RABGAP1L: variants seen among roughly 807,000 people sequenced by gnomAD.
The protein encoded by RABGAP1L is rab GTPase-activating protein 1-like.
Under a neutral mutation model 137.7 loss-of-function variants are expected in RABGAP1L, and 63 were observed. That is an observed-to-expected ratio of 0.46 (90% confidence interval 0.37 to 0.56). The LOEUF (loss-of-function observed/expected upper bound fraction) is 0.56. Among genes scored for constraint, RABGAP1L ranks in the 20% least tolerant of loss-of-function variants. The pLI is 0.00. For synonymous variants in RABGAP1L, 431 were observed against 433.7 expected (o/e 0.99, Z 0.08); for missense variants, 1,095 against 1,244.0 (o/e 0.88, Z 1.80).
chr1:174,189,915 A>G (rs1323862506), intron 1 of RABGAP1L, among the ~76,000 whole-genome samples: 3 of 152,156 alleles, frequency 2.0e-5, no homozygotes. Flanking sequence ...AAAAGAAAAA[A>G]GGAAGAGAGA....
chr1:174,498,719 C>T (rs970952226), intron 13 of RABGAP1L, among the ~76,000 whole-genome samples: 5 of 150,764 alleles, frequency 3.3e-5, no homozygotes. Context: ...CCCTATTGGC[C>T]AGGCTGGTCT....
chr1:174,760,533 C>T (rs79763699), intron 18 of RABGAP1L, among the ~76,000 whole-genome samples: 11,935 of 152,258 alleles, frequency 0.078, 648 homozygotes, highest in East Asian at 0.31. Context: ...GCATAGTATT[C>T]TATAGTGTTT....
At chr1:174,735,612 C>CAAAAA (rs59281177) in intron 17 of RABGAP1L, among the ~76,000 whole-genome samples, 85 of 46,134 alleles carry the variant, frequency 1.8e-3, no homozygotes, top group Admixed American at 2.9e-3. Flanking sequence ...AACTCCATCT[C>CAAAAA]AAAAAAAAAA....
At chr1:174,513,714 T>G (rs1662557333) in intron 13 of RABGAP1L, among the ~76,000 whole-genome samples, 1 of 152,214 alleles carries the variant, frequency 6.6e-6, no homozygotes, top group African/African-American at 2.4e-5. Flanking sequence ...ACTGACATGT[T>G]TTGATTAATG....
chr1:174,704,579 A>C (rs1366217846), intron 17 of RABGAP1L, among the ~76,000 whole-genome samples: 1 of 152,342 alleles, frequency 6.6e-6, no homozygotes, highest in Non-Finnish European at 1.5e-5. Flanking sequence ...CCAGGCTTGC[A>C]GAATAGGTTT....
At chr1:174,942,592 C>G (rs773407857) in intron 19 of RABGAP1L, among the ~76,000 whole-genome samples, 19 of 152,164 alleles carry the variant, frequency 1.2e-4, no homozygotes, top group Non-Finnish European at 2.5e-4. Context: ...TGTTCTTCTT[C>G]TGTAAAATGA....
intron 13 of RABGAP1L, among the ~76,000 whole-genome samples, chr1:174,619,852 A>T (rs1221919015): frequency 6.6e-6 from 1 of 152,236 alleles, no homozygotes; most frequent in Non-Finnish European, 1.5e-5. Flanking sequence ...GGCAAATTGG[A>T]TAAAGAGTCA....
intron 13 of RABGAP1L, among the ~76,000 whole-genome samples, chr1:174,429,898 G>A (rs1209378883): frequency 1.3e-5 from 2 of 152,044 alleles, no homozygotes; most frequent in Non-Finnish European, 2.9e-5. Context: ...ATAAATACTG[G>A]GGAAATGTGT....
intron 13 of RABGAP1L, among the ~76,000 whole-genome samples, chr1:174,573,601 T>A (rs774205490): frequency 1.1e-4 from 16 of 152,190 alleles, no homozygotes; most frequent in Non-Finnish European, 2.2e-4. Flanking sequence ...AGAGATTTGA[T>A]CTATTACTAT....
intron 13 of RABGAP1L, among the ~76,000 whole-genome samples, chr1:174,615,892 A>G (rs1557904335): frequency 2.0e-5 from 3 of 152,106 alleles, no homozygotes; most frequent in Admixed American, 6.5e-5. Context: ...CAGGTGCAGG[A>G]TATAATCTCC....
chr1:174,771,271 T>C (rs1481019972), intron 18 of RABGAP1L, among the ~76,000 whole-genome samples: 2 of 152,202 alleles, frequency 1.3e-5, no homozygotes, highest in Non-Finnish European at 2.9e-5. Flanking sequence ...TCCTAACTTA[T>C]AAAATAAAGA....
chr1:174,307,805 C>G (rs919821364), intron 11 of RABGAP1L, among the ~76,000 whole-genome samples: 3 of 152,092 alleles, frequency 2.0e-5, no homozygotes, highest in Admixed American at 2.0e-4. Flanking sequence ...CTTTGACATA[C>G]TGGTTCATTT....
intron 13 of RABGAP1L, among the ~76,000 whole-genome samples, chr1:174,502,194 G>A (rs1170313272): frequency 6.6e-6 from 1 of 151,850 alleles, no homozygotes; most frequent in East Asian, 1.9e-4. Flanking sequence ...TATGCAAAAA[G>A]TTCATTAATT....
Position 174,541,154 on chromosome 1 carries a change from T to C in RABGAP1L, c.1711-96221T>C, listed in dbSNP as rs551597285. On this transcript the variant is annotated intron_variant, in intron 13 of 25. Coordinates refer to ENST00000681986, the MANE Select transcript of RABGAP1L (RefSeq NM_001366446.1). ...CACATTGATTTTGTATTCTAGGACT[T>C]TGCTGAAGTTGCTTATCAGCTTAGG... 4.9e-4 allele frequency among the ~76,000 whole-genome samples: 74 copies of C among 152,238 alleles called. 1 individual carries two copies. Among genetic ancestry groups the C allele is most frequent in the Non-Finnish European group, 8.8e-4 (60 of 68,042 alleles).
intron 14 of RABGAP1L, 104 bp downstream of exon 14, chr1:174,637,592 T>C (rs1674166498): frequency 1.2e-6 from 1 of 810,554 alleles, no homozygotes; most frequent in African/African-American, 1.7e-5. Flanking sequence ...ATTTGCACTA[T>C]GCCATGTTTT....
rs1469973011 is a variant in RABGAP1L, at chr1:174,249,805, G to A, written c.718-670G>A. Among the ~76,000 whole-genome samples the A allele has an allele frequency of 2.0e-5, 3 of 152,014 alleles. No individual in the cohort carries two copies. The East Asian group carries it at 5.8e-4, about 29-fold the overall frequency. ...TTACAGGTGTGCACCACCATGCCCT[G>A]CTAATTTTTTGTATTTTTAGTAGAG... On this transcript the variant is annotated intron_variant, in intron 5 of 25. Coordinates refer to ENST00000681986, the MANE Select transcript of RABGAP1L (RefSeq NM_001366446.1).
chr1:174,562,509 A>G (rs1260655280), intron 13 of RABGAP1L, among the ~76,000 whole-genome samples: 2 of 152,210 alleles, frequency 1.3e-5, no homozygotes, highest in East Asian at 1.9e-4. Context: ...TACTCAGTAT[A>G]TACCCAAAGG....
At chr1:174,683,222 A>G (rs928663351) in intron 14 of RABGAP1L, among the ~76,000 whole-genome samples, 19 of 152,058 alleles carry the variant, frequency 1.2e-4, no homozygotes, top group Non-Finnish European at 5.9e-5. Flanking sequence ...CTGTGGCCTC[A>G]TACAGCTGAT....
chr1:174,176,713 G>GGAAAAAAA (rs1232596038), intron 1 of RABGAP1L, among the ~76,000 whole-genome samples: 7 of 21,550 alleles, frequency 3.2e-4, no homozygotes, highest in South Asian at 3.5e-3. Context: ...CCCTTTTTCA[G>GGAAAAAAA]AAAAAAAAAA....
Sources: allele counts gnomAD v4.1 joint callset (sites outside exome capture counted in the v4.1 genomes callset), GRCh38; gene constraint gnomAD v4.1.1; transcripts MANE v1.5; gene names NCBI Gene and HGNC (gene_info 2026-07-23, HGNC 2026-07-21).